Variants in HMGXB4 observed in about 807,000 individuals in gnomAD.
HMGXB4 encodes HMG-box containing 4.
In HMGXB4, 27 loss-of-function variants were observed where a neutral mutation model predicts 63.9. The observed-to-expected ratio is 0.42, with a 90% CI of 0.31 to 0.58. The LOEUF (loss-of-function observed/expected upper bound fraction) is 0.58. HMGXB4 is among the 20% of genes least tolerant of loss of function. The pLI, the probability that HMGXB4 is intolerant of heterozygous loss-of-function variation, is 0.13. For missense variants in HMGXB4, 624 were observed against 700.7 expected, an observed-to-expected ratio of 0.89 and a Z score of 1.24; for synonymous variants, 264 against 265.3, an observed-to-expected ratio of 0.99 and a Z score of 0.05.
At chr22:35,247,707 T>C in the HMGXB4 span, among the ~76,000 whole-genome samples, 1 of 152,154 alleles carries the variant, frequency 6.6e-6, no homozygotes. Flanking sequence ...ATGCATAATG[T>C]CTGAAAACCA....
At chr22:35,283,547 T>C (rs1924387046) in intron 5 of HMGXB4, among the ~76,000 whole-genome samples, 1 of 152,140 alleles carries the variant, frequency 6.6e-6, no homozygotes. Context: ...CCCAGCACTT[T>C]GGGAGGCTGA....
upstream of HMGXB4, among the ~76,000 whole-genome samples, chr22:35,256,550 A>G (rs1270414700): frequency 6.6e-6 from 1 of 152,172 alleles, no homozygotes; most frequent in Non-Finnish European, 1.5e-5. Context: ...CCCAGGCTGG[A>G]GTGCAGTGGC....
rs764475927 is a variant in HMGXB4, at chr22:35,265,126, A to G, written c.738A>G (p.Lys246=). ...GACATGAGTTACAGAGCTTTCTGAA[A>G]ACAGCCCGGAAAAAGCACAAGTCAT... ...LLGHELQSFL[K]TARKKHKSSS... The change falls in exon 5 of 11, where the codon AAA becomes AAG. Residue 246 remains lysine, a synonymous_variant. Coordinates refer to ENST00000216106, the MANE Select transcript of HMGXB4 (RefSeq NM_001003681.3). 1 of 1,614,022 alleles carries G rather than the reference A, an allele frequency of 6.2e-7. No homozygotes were observed. Among genetic ancestry groups the G allele is most frequent in the South Asian group, 1.1e-5 (1 of 91,082 alleles).
intron 5 of HMGXB4, among the ~76,000 whole-genome samples, chr22:35,283,151 A>AC (rs1924365809): frequency 6.6e-6 from 1 of 152,258 alleles, no homozygotes; most frequent in Non-Finnish European, 1.5e-5. Flanking sequence ...AAGAATGTGA[A>AC]CAATCAAATA....
intron 5 of HMGXB4, among the ~76,000 whole-genome samples, chr22:35,276,043 T>C (rs1181304917): frequency 2.0e-5 from 3 of 152,236 alleles, no homozygotes; most frequent in Non-Finnish European, 4.4e-5. Flanking sequence ...GTTTTGTATT[T>C]ATAGAGATCA....
upstream of HMGXB4, among the ~76,000 whole-genome samples, chr22:35,255,376 A>G (rs1922349367): frequency 6.6e-6 from 1 of 152,058 alleles, no homozygotes; most frequent in Non-Finnish European, 1.5e-5. Context: ...GTACCTGGGC[A>G]TGGTGGCATG....
At position 35,282,278 on chromosome 22, in the gene HMGXB4, A is replaced by G. The variant is rs577200027; in HGVS notation, c.1216-1684A>G. 1.3e-3 allele frequency among the ~76,000 whole-genome samples: 194 copies of G among 152,232 alleles called. 1 individual carries two copies. Among genetic ancestry groups the G allele is most frequent in the African/African-American group, 4.5e-3 (185 of 41,546 alleles). On this transcript the variant is annotated intron_variant, in intron 5 of 10. Coordinates refer to ENST00000216106, the MANE Select transcript of HMGXB4 (RefSeq NM_001003681.3). ...TGCAAGCTCCACCTCCCGGGTTCAC[A>G]CCATTCTCCTGCCTCAGCCTCCCGA...
At chr22:35,267,456 G>A (rs1461638694) in intron 5 of HMGXB4, among the ~76,000 whole-genome samples, 1 of 152,190 alleles carries the variant, frequency 6.6e-6, no homozygotes, top group Non-Finnish European at 1.5e-5. Context: ...CTTGAAGAAG[G>A]AGAAGGTTTC....
the HMGXB4 span, among the ~76,000 whole-genome samples, chr22:35,244,166 T>C: frequency 6.6e-6 from 1 of 152,180 alleles, no homozygotes; most frequent in Non-Finnish European, 1.5e-5. Context: ...TTTTATTTCC[T>C]CTCTCTAGGA....
the HMGXB4 span, among the ~76,000 whole-genome samples, chr22:35,246,566 C>A: frequency 5.3e-5 from 8 of 152,188 alleles, no homozygotes; most frequent in Admixed American, 5.2e-4. Context: ...AGCCACCGCT[C>A]CCGGCCGTAT....
intron 1 of HMGXB4, among the ~76,000 whole-genome samples, chr22:35,260,077 T>C (rs1209080541): frequency 6.6e-6 from 1 of 152,264 alleles, no homozygotes; most frequent in Non-Finnish European, 1.5e-5. Flanking sequence ...TGCCCAACTC[T>C]GTTTTATGTT....
At chr22:35,292,456 A>G (rs1295242676) in intron 9 of HMGXB4, among the ~76,000 whole-genome samples, 1 of 152,200 alleles carries the variant, frequency 6.6e-6, no homozygotes, top group Non-Finnish European at 1.5e-5. Context: ...AGTCTTTCTT[A>G]TCTCTTTGAA....
At chr22:35,258,479 C>T (rs1057119081) in intron 1 of HMGXB4, 2 of 152,204 alleles carry the variant, frequency 1.3e-5, no homozygotes, top group African/African-American at 4.8e-5. Flanking sequence ...GTGTTGTCAG[C>T]CAATCTGTGC....
intron 5 of HMGXB4, among the ~76,000 whole-genome samples, chr22:35,269,722 G>A (rs752215919): frequency 3.3e-4 from 51 of 152,250 alleles, no homozygotes; most frequent in Middle Eastern, 3.4e-3. Context: ...AGGGAGAGAC[G>A]AATAACCAAG....
At chr22:35,280,167 C>A (rs75845542) in intron 5 of HMGXB4, among the ~76,000 whole-genome samples, 2 of 152,166 alleles carry the variant, frequency 1.3e-5, no homozygotes, top group Non-Finnish European at 2.9e-5. Flanking sequence ...CGTAATATGA[C>A]CATGTCTTGC....
the HMGXB4 span, among the ~76,000 whole-genome samples, chr22:35,245,179 GTTATTTT>G: frequency 6.6e-6 from 1 of 152,020 alleles, no homozygotes; most frequent in Admixed American, 6.6e-5. Context: ...GCCCATATTG[GTTATTTT>G]CTAATATTCC....
chr22:35,292,467 T>A (rs563334929), intron 9 of HMGXB4, among the ~76,000 whole-genome samples: 22 of 152,292 alleles, frequency 1.4e-4, no homozygotes, highest in Non-Finnish European at 2.9e-4. Context: ...TCTCTTTGAA[T>A]CACAAATAGA....
At chr22:35,292,141 A>G (rs1924969248) in intron 9 of HMGXB4, among the ~76,000 whole-genome samples, 1 of 152,244 alleles carries the variant, frequency 6.6e-6, no homozygotes, top group Admixed American at 6.5e-5. Flanking sequence ...AGATGTTGGT[A>G]GTAATATTCA....
chr22:35,243,983 T>G, the HMGXB4 span, among the ~76,000 whole-genome samples: 3 of 152,058 alleles, frequency 2.0e-5, no homozygotes, highest in Admixed American at 1.3e-4. Flanking sequence ...GCTTTCAAGG[T>G]TTTTTTTGTA....
Sources: allele counts gnomAD v4.1 joint callset (sites outside exome capture counted in the v4.1 genomes callset), GRCh38; gene constraint gnomAD v4.1.1; transcripts MANE v1.5; gene names NCBI Gene and HGNC (gene_info 2026-07-23, HGNC 2026-07-21).